The following SPOCK3 variants were observed in gnomAD, a reference collection of about 807,000 sequenced individuals.
SPOCK3 encodes SPARC (osteonectin), cwcv and kazal like domains proteoglycan 3.
SPOCK3 carries 30 observed loss-of-function variants against 56.6 expected under a neutral mutation model. That is an observed-to-expected ratio of 0.53 (90% CI 0.40 to 0.72). The LOEUF is 0.72. Ranked by LOEUF, SPOCK3 falls within the 30% of genes least tolerant of loss-of-function variation. The pLI is 0.00. For missense variants in SPOCK3, 527 were observed against 530.0 expected, an observed-to-expected ratio of 0.99 and a Z score of 0.06; for synonymous variants, 196 against 183.3, an observed-to-expected ratio of 1.07 and a Z score of -0.56.
chr4:166,989,090 C>T (rs1225347347), intron 4 of SPOCK3, among the ~76,000 whole-genome samples: 1 of 152,000 alleles, frequency 6.6e-6, no homozygotes, highest in Non-Finnish European at 1.5e-5. Flanking sequence ...ATGTACTCTA[C>T]CCCTACAGAT....
At position 166,928,485 on chromosome 4, in the gene SPOCK3, A is replaced by C. The variant is rs1166566397; in HGVS notation, c.351-15742T>G. On this transcript the variant is annotated intron_variant, in intron 4 of 10. Transcript: ENST00000357545. ...ACTATAAGAAATGCTGGAAAAGGCA[A>C]ACTATGAGACACAAAAAAGATCAGT... 2.0e-5 allele frequency among the ~76,000 whole-genome samples: 3 copies of C among 152,228 alleles called. No individual in the cohort carries two copies. In the East Asian group the frequency reaches 5.8e-4, roughly 29 times the overall value.
intron 2 of SPOCK3, among the ~76,000 whole-genome samples, chr4:167,223,157 T>A (rs1736217588): frequency 8.4e-6 from 1 of 119,582 alleles, no homozygotes; most frequent in Non-Finnish European, 1.6e-5. Context: ...TGAATATATA[T>A]TTTATATATG....
rs1261080466 is a variant in SPOCK3, at chr4:167,225,279, A to G, written c.189+8706T>C. ...TTAGGCCATTATTCTTAATTTACAAATAGAAAAATCTGCAATATATATTTG... is the reference window on the plus strand; with the variant it reads ...TTAGGCCATTATTCTTAATTTACAAGTAGAAAAATCTGCAATATATATTTG... On this transcript the variant is annotated intron_variant, in intron 2 of 10. Coordinates refer to ENST00000357545, the MANE Select transcript of SPOCK3 (RefSeq NM_001040159.2). 2.6e-5 allele frequency among the ~76,000 whole-genome samples: 4 copies of G among 152,236 alleles called. No individual in the cohort carries two copies. In the East Asian group the frequency reaches 5.8e-4, roughly 22 times the overall value.
At chr4:167,084,867 C>T (rs1430357432) in intron 2 of SPOCK3, among the ~76,000 whole-genome samples, 3 of 151,988 alleles carry the variant, frequency 2.0e-5, no homozygotes, top group African/African-American at 7.2e-5. Flanking sequence ...TGAGAGCAAT[C>T]ATACATAGAA....
At position 167,005,504 on chromosome 4, in the gene SPOCK3, C is replaced by T. The variant is rs529078947; in HGVS notation, c.236-5041G>A. Among the ~76,000 whole-genome samples, 4 of 152,106 alleles carry T rather than the reference C, an allele frequency of 2.6e-5. No individual in the cohort carries two copies. In the East Asian group the frequency reaches 5.8e-4, roughly 22 times the overall value. ...CTGGGATTACAGGTGTGAGCCACCG[C>T]GCACAGACTGGACAATGATTTTCTT... is the stretch of plus-strand genomic sequence containing the variant. On this transcript the variant is annotated intron_variant, in intron 3 of 10. Coordinates refer to ENST00000357545, the MANE Select transcript of SPOCK3 (RefSeq NM_001040159.2).
At chr4:166,764,269 C>A (rs1579148196) in intron 7 of SPOCK3, among the ~76,000 whole-genome samples, 1 of 152,148 alleles carries the variant, frequency 6.6e-6, no homozygotes, top group Admixed American at 6.6e-5. Context: ...TATACATGTA[C>A]CATGTTGGTG....
chr4:167,190,131 TATACTC>T (rs1301680894), intron 2 of SPOCK3, among the ~76,000 whole-genome samples: 8 of 146,288 alleles, frequency 5.5e-5, no homozygotes, highest in Non-Finnish European at 1.2e-4. Context: ...CCTTTGGAAA[TATACTC>T]AGAGCAAGAT....
intron 5 of SPOCK3, among the ~76,000 whole-genome samples, chr4:166,901,350 G>A (rs553725365): frequency 6.6e-6 from 1 of 152,272 alleles, no homozygotes; most frequent in East Asian, 1.9e-4. Context: ...TGCACTGTCA[G>A]TCTATGTCCC....
At chr4:166,997,638 C>T (rs1748523782) in intron 4 of SPOCK3, among the ~76,000 whole-genome samples, 1 of 152,128 alleles carries the variant, frequency 6.6e-6, no homozygotes, top group Non-Finnish European at 1.5e-5. Flanking sequence ...AAATAAGACA[C>T]CTTCACTGAG....
At chr4:167,219,425 G>A (rs1394142340) in intron 2 of SPOCK3, among the ~76,000 whole-genome samples, 1 of 152,182 alleles carries the variant, frequency 6.6e-6, no homozygotes, top group Non-Finnish European at 1.5e-5. Context: ...AAGCAAAAGT[G>A]AGCTGTGATT....
chr4:167,075,780 T>C (rs1757127093), intron 2 of SPOCK3, among the ~76,000 whole-genome samples: 1 of 151,936 alleles, frequency 6.6e-6, no homozygotes, highest in Admixed American at 6.6e-5. Flanking sequence ...TAGCTAGGAC[T>C]ACAAGTGCAC....
At chr4:166,826,097 G>A (rs903511831) in intron 6 of SPOCK3, among the ~76,000 whole-genome samples, 1 of 151,988 alleles carries the variant, frequency 6.6e-6, no homozygotes, top group African/African-American at 2.4e-5. Context: ...GCCAAGATGT[G>A]GGTAAGGATT....
chr4:166,897,702 G>T (rs1735538202), intron 5 of SPOCK3, among the ~76,000 whole-genome samples: 1 of 152,168 alleles, frequency 6.6e-6, no homozygotes. Context: ...TTGCAAATGG[G>T]ATAAAATTTT....
chr4:166,980,657 GCAGCAGGGTGGGCAGCTC>G (rs1746476231), intron 4 of SPOCK3, among the ~76,000 whole-genome samples: 1 of 152,264 alleles, frequency 6.6e-6, no homozygotes, highest in Non-Finnish European at 1.5e-5. Context: ...ACCAGCAGCT[GCAGCAGGGTGGGCAGCTC>G]CAGGCTCTGG....
chr4:167,122,091 T>C (rs547932086), intron 2 of SPOCK3, among the ~76,000 whole-genome samples: 4 of 150,074 alleles, frequency 2.7e-5, no homozygotes, highest in Non-Finnish European at 6.0e-5. Context: ...TTTCTTTTCT[T>C]TTTTCTTTTC....
At chr4:166,990,835 A>G (rs1252912841) in intron 4 of SPOCK3, among the ~76,000 whole-genome samples, 3 of 152,096 alleles carry the variant, frequency 2.0e-5, no homozygotes, top group African/African-American at 7.2e-5. Flanking sequence ...AATATTAAAT[A>G]CTCTAAAATT....
At chr4:166,985,080 A>G (rs1340064127) in intron 4 of SPOCK3, among the ~76,000 whole-genome samples, 1 of 152,062 alleles carries the variant, frequency 6.6e-6, no homozygotes, top group Non-Finnish European at 1.5e-5. Context: ...AATATTCTTT[A>G]TCATTGATAA....
intron 2 of SPOCK3, among the ~76,000 whole-genome samples, chr4:167,141,936 G>T (rs1763566901): frequency 6.6e-6 from 1 of 151,960 alleles, no homozygotes; most frequent in Non-Finnish European, 1.5e-5. Flanking sequence ...AAGCAAATAA[G>T]CTTATTTGCA....
intron 2 of SPOCK3, among the ~76,000 whole-genome samples, chr4:167,090,535 C>T (rs6553546): frequency 0.063 from 9,478 of 151,542 alleles, 470 homozygotes; most frequent in African/African-American, 0.14. Flanking sequence ...CAGAGTTTTG[C>T]TCTTGCTGCC....
Sources: allele counts gnomAD v4.1 joint callset (sites outside exome capture counted in the v4.1 genomes callset), GRCh38; gene constraint gnomAD v4.1.1; transcripts MANE v1.5; gene names NCBI Gene and HGNC (gene_info 2026-07-23, HGNC 2026-07-21).